TRIP11: variants seen among roughly 807,000 people sequenced by gnomAD.
The protein encoded by TRIP11 is thyroid receptor-interacting protein 11.
TRIP11 carries 148 observed loss-of-function variants against 223.1 expected under a neutral mutation model. That is an observed-to-expected ratio of 0.66 (90% confidence interval 0.58 to 0.76). The LOEUF is 0.76. Ranked by LOEUF, TRIP11 falls within the 30% of genes least tolerant of loss-of-function variation. The probability of loss-of-function intolerance (pLI) is 0.00; values close to 1 mark genes in which losing one functional copy is unlikely to be tolerated. For synonymous variants in TRIP11, 762 were observed against 772.6 expected (o/e 0.99, Z 0.23); for missense variants, 2,043 against 2,222.0 (o/e 0.92, Z 1.62).
At chr14:92,034,704 T>C (rs977951820) in intron 1 of TRIP11, among the ~76,000 whole-genome samples, 2 of 152,204 alleles carry the variant, frequency 1.3e-5, no homozygotes, top group African/African-American at 4.8e-5. Context: ...GGCTGGAGTA[T>C]AGTGGTGTGA....
chr14:91,977,391 T>C, intron 16 of TRIP11: 1 of 285,630 alleles, frequency 3.5e-6, no homozygotes, highest in Non-Finnish European at 7.0e-6. Context: ...TTCTAAAATT[T>C]AGGTCTACCA....
chr14:92,031,857 G>A (rs1281995447), intron 2 of TRIP11, among the ~76,000 whole-genome samples: 1 of 151,984 alleles, frequency 6.6e-6, no homozygotes, highest in East Asian at 1.9e-4. Context: ...CTGTTGCCCG[G>A]GCTGGAATAC....
intron 1 of TRIP11, among the ~76,000 whole-genome samples, chr14:92,036,351 C>T (rs940777382): frequency 2.0e-5 from 3 of 152,156 alleles, no homozygotes; most frequent in Non-Finnish European, 2.9e-5. Context: ...GTTTACGATT[C>T]GGTAGACACA....
At position 92,003,449 on chromosome 14, in the gene TRIP11, A is replaced by G; in HGVS notation, c.4527T>C (p.Ala1509=). ...CTTTCTCTTTCAATAGCTGTTCAAA[A>G]GCAAGAGCCTTCTCCTTCATTGAGT... ...ECHSMKEKAL[A]FEQLLKEKEQ... The change falls in exon 11 of 21, where the codon GCT becomes GCC. Residue 1509 remains alanine (A), a synonymous_variant. Transcript: ENST00000267622. 1 of 1,613,906 alleles carries G rather than the reference A, an allele frequency of 6.2e-7. No individual in the cohort carries two copies. Among genetic ancestry groups the G allele is most frequent in the Non-Finnish European group, 8.5e-7 (1 of 1,180,012 alleles).
Position 92,005,674 on chromosome 14 carries a change from T to A in TRIP11, c.2302A>T (p.Asn768Tyr). 1 of 1,613,798 alleles carries A rather than the reference T, an allele frequency of 6.2e-7. No individual in the cohort carries two copies. Residue 768 changes from asparagine to tyrosine, a missense_variant, in exon 11 of 21, where the codon AAT becomes TAT. Physicochemically the swap from Asn to Tyr is moderately radical, Grantham distance 143 (BLOSUM62 -2). Coordinates refer to ENST00000267622, the MANE Select transcript of TRIP11 (RefSeq NM_004239.4). ...GCTATTTCCATGTCTTTCTTTTGAT[T>A]GAGTTTAATTAAATGCTCATGTTCC... ...QLEHEHLIKL[N>Y]QKKDMEIAEL... is the part of the protein sequence containing the mutation.
At chr14:91,991,169 G>A (rs2056667171) in intron 15 of TRIP11, among the ~76,000 whole-genome samples, 1 of 152,086 alleles carries the variant, frequency 6.6e-6, no homozygotes, top group African/African-American at 2.4e-5. Context: ...ATAGATTAAT[G>A]TCCTTATTGT....
chr14:92,039,518 G>T (rs1298043579), intron 1 of TRIP11, 29 bp downstream of exon 1: 1 of 1,611,390 alleles, frequency 6.2e-7, no homozygotes, highest in South Asian at 1.1e-5. Flanking sequence ...TCTTAGAAAA[G>T]CCCTCCCTTC....
At chr14:91,974,369 T>C (rs2056437324) in intron 19 of TRIP11, among the ~76,000 whole-genome samples, 1 of 151,986 alleles carries the variant, frequency 6.6e-6, no homozygotes, top group Non-Finnish European at 1.5e-5. Context: ...GGCAGCATGA[T>C]CAAGTACAAA....
chr14:91,991,273 G>A (rs1264871644), intron 15 of TRIP11, among the ~76,000 whole-genome samples: 3 of 152,132 alleles, frequency 2.0e-5, no homozygotes, highest in African/African-American at 7.2e-5. Context: ...TTTGCCACAG[G>A]ATGATGTAGC....
In TRIP11 at chr14:92,003,931, A is replaced by G. The variant is rs764510070; in HGVS notation, c.4045T>C (p.Leu1349=). Residue 1349 remains leucine (L), a synonymous_variant, in exon 11 of 21, where the codon TTA becomes CTA. Transcript: ENST00000267622. ...TGTAGTGATTTTCTTAGCTCTTCTA[A>G]CTCTTGCTGAAGCAATTCAGAAGAT... ...SESSELLQQE[L]EELRKSLQEK... 1 of 1,614,056 alleles carries G rather than the reference A, an allele frequency of 6.2e-7. No homozygotes were observed. Among genetic ancestry groups the G allele is most frequent in the Non-Finnish European group, 8.5e-7 (1 of 1,180,006 alleles).
At chr14:91,987,260 T>C (rs1236436047) in intron 16 of TRIP11, among the ~76,000 whole-genome samples, 1 of 152,146 alleles carries the variant, frequency 6.6e-6, no homozygotes, top group Non-Finnish European at 1.5e-5. Context: ...TGCCTCAGAA[T>C]CAAGTCATTT....
Position 92,005,539 on chromosome 14 carries a change from T to C in TRIP11, c.2437A>G (p.Lys813Glu). Residue 813 changes from lysine (K) to glutamate (E), a missense_variant, in exon 11 of 21, where the codon AAA becomes GAA. Transcript: ENST00000267622. ...TTAAGCTTTTCAATAAAAATTTCTT[T>C]CTTGTTTATAAGTTGTGTCAACTGC... ...QKQLTQLINK[K>E]EIFIEKLKER... The C allele has an allele frequency of 4.3e-6, 7 of 1,611,260 alleles. No homozygotes were observed. The highest frequency in any genetic ancestry group is 5.9e-6 in the Non-Finnish European group (7 of 1,179,522).
At chr14:92,002,603 G>A (rs976659404) in intron 11 of TRIP11, among the ~76,000 whole-genome samples, 1 of 149,794 alleles carries the variant, frequency 6.7e-6, no homozygotes, top group Non-Finnish European at 1.5e-5. Flanking sequence ...TTGAGACAGA[G>A]TCTTGTTCTG....
intron 10 of TRIP11, among the ~76,000 whole-genome samples, chr14:92,007,034 T>TC (rs2056913479): frequency 6.7e-6 from 1 of 149,614 alleles, no homozygotes; most frequent in Non-Finnish European, 1.5e-5. Context: ...AAATAGTATT[T>TC]TTTTTTTTTT....
chr14:92,011,756 T>C lies in TRIP11; in HGVS notation c.1226A>G (p.Gln409Arg). The C allele has an allele frequency of 6.2e-7, 1 of 1,611,544 alleles. No homozygotes were observed. The highest frequency in any genetic ancestry group is 2.2e-5 in the East Asian group (1 of 44,720). Reference sequence around the variant, plus strand: ...TAACATTTGTCAAAATTAATTTACCTGGTTTAAACTACTCAATCTCATTAT... The same window carrying C: ...TAACATTTGTCAAAATTAATTTACCCGGTTTAAACTACTCAATCTCATTAT... Reference protein sequence around the residue: ...NEIMRLSSLNQDNSLAEDNLK... With the variant: ...NEIMRLSSLNRDNSLAEDNLK... Residue 409 changes from glutamine (Q) to arginine (R), a missense_variant and splice_region_variant, in exon 8 of 21, where the codon CAG (glutamine) becomes CGG (arginine). By Grantham distance (43) the Gln-to-Arg change is conservative. Transcript: ENST00000267622.
chr14:92,013,696 T>C (rs1407784817), intron 7 of TRIP11, among the ~76,000 whole-genome samples: 3 of 151,960 alleles, frequency 2.0e-5, no homozygotes, highest in Admixed American at 2.0e-4. Flanking sequence ...CTTATGTAAG[T>C]AAATTTATTT....
At position 91,969,247 on chromosome 14, in the gene TRIP11, C is replaced by T. The variant is rs1272965476; in HGVS notation, c.*426G>A. On this transcript the variant is annotated 3_prime_UTR_variant, in exon 21 of 21. Coordinates refer to ENST00000267622, the MANE Select transcript of TRIP11 (RefSeq NM_004239.4). ...ATATGCTTCAAATCAACTTTCTGCA[C>T]TATGCAGAGAAGCCACTACTAGTAT... 2 of 289,464 alleles carry T rather than the reference C, an allele frequency of 6.9e-6. No homozygotes were observed. The highest frequency in any genetic ancestry group is 1.3e-5 in the Non-Finnish European group (2 of 152,842). 17.9% of individuals were successfully genotyped at this position (289,464 alleles called of 1,614,324 possible).
intron 2 of TRIP11, among the ~76,000 whole-genome samples, chr14:92,031,109 A>G (rs567620158): frequency 4.0e-5 from 6 of 151,816 alleles, no homozygotes; most frequent in Non-Finnish European, 8.8e-5. Flanking sequence ...TTATTTATTT[A>G]TTTTTTTATT....
At position 91,999,379 on chromosome 14, in the gene TRIP11, G is replaced by T; in HGVS notation, c.4753C>A (p.Arg1585Ser). The stretch of plus-strand genomic sequence containing the variant: ...TCTTCTGATTCTAAAAGATGATTAC[G>T]CAATCTCTCTAGCTCTTGGTTTGAA... Reference protein sequence around the residue: ...FRSNQELERLRNHLLESEDSY... With the variant: ...FRSNQELERLSNHLLESEDSY... The change falls in exon 13 of 21, where the codon CGT becomes AGT. Residue 1585 changes from arginine to serine, a missense_variant. Coordinates refer to ENST00000267622, the MANE Select transcript of TRIP11 (RefSeq NM_004239.4). 6.2e-7 allele frequency: 1 copy of T among 1,613,796 alleles called. No homozygotes were observed. The highest frequency in any genetic ancestry group is 1.1e-5 in the South Asian group (1 of 91,074).
Sources: allele counts gnomAD v4.1 joint callset (sites outside exome capture counted in the v4.1 genomes callset), GRCh38; gene constraint gnomAD v4.1.1; transcripts MANE v1.5; gene names NCBI Gene and HGNC (gene_info 2026-07-23, HGNC 2026-07-21).